The following MACF1 variants were observed in gnomAD, a reference collection of about 807,000 sequenced individuals.
MACF1 encodes microtubule actin crosslinking factor 1, also known as microtubule-actin cross-linking factor 1.
Under a neutral mutation model 854.8 loss-of-function variants are expected in MACF1, and 193 were observed. That is an observed-to-expected ratio of 0.23 (90% CI 0.20 to 0.25). The LOEUF (loss-of-function observed/expected upper bound fraction) is 0.25, where lower values mean the gene tolerates loss of function less well. MACF1 is among the 10% of genes least tolerant of loss of function. The probability of loss-of-function intolerance (pLI) is 1.00; values close to 1 mark genes in which losing one functional copy is unlikely to be tolerated. For missense variants in MACF1, 7,722 were observed against 8,929.1 expected, an observed-to-expected ratio of 0.86 and a Z score of 5.45; for synonymous variants, 3,185 against 3,226.7, an observed-to-expected ratio of 0.99 and a Z score of 0.44.
At chr1:39,426,788 G>C (rs1314477729) in intron 61 of MACF1, among the ~76,000 whole-genome samples, 1 of 151,736 alleles carries the variant, frequency 6.6e-6, no homozygotes, top group African/African-American at 2.4e-5. Context: ...TGGGGGGGGT[G>C]CTTTTTGTGT....
At chr1:39,276,066 A>T (rs969825293) in intron 6 of MACF1, among the ~76,000 whole-genome samples, 6 of 151,974 alleles carry the variant, frequency 3.9e-5, no homozygotes, top group Admixed American at 1.3e-4. Flanking sequence ...ACTACAGGGG[A>T]GTACCACCAC....
chr1:39,198,691 G>T lies in MACF1; in HGVS notation c.221-32491G>T, dbSNP rs113051830. On this transcript the variant is annotated intron_variant, in intron 2 of 93. Coordinates refer to the MACF1 transcript ENST00000361689. ...AAAAAAAAAATTAGCTGGGCGTGGT[G>T]GCACACACCTGTAGTCACAGCTACT... Among the ~76,000 whole-genome samples the T allele has an allele frequency of 5.0e-3, 756 of 151,654 alleles. 6 individuals carry two copies. The highest frequency in any genetic ancestry group is 0.017 in the African/African-American group (696 of 41,342).
At position 39,327,330 on chromosome 1, in the gene MACF1, T is replaced by G; in HGVS notation, c.4591T>G (p.Leu1531Val). ...TCAGCTTCAGCAGCTTCAGAGCCAG[T>G]TGGCTCACCAGACAGAACAAAAGGT... The part of the protein sequence containing the change: ...ANQLQQLQSQ[L>V]AHQTEQKECR... The change falls in exon 36 of 101, where the codon TTG becomes GTG. Residue 1531 changes from leucine to valine, a missense_variant. Coordinates refer to ENST00000564288, the MANE Select transcript of MACF1 (RefSeq NM_001394062.1). 6.2e-7 allele frequency: 1 copy of G among 1,605,516 alleles called. No homozygotes were observed. The highest frequency in any genetic ancestry group is 8.5e-7 in the Non-Finnish European group (1 of 1,173,148).
intron 2 of MACF1, among the ~76,000 whole-genome samples, chr1:39,113,958 C>G (rs1249952626): frequency 6.6e-6 from 1 of 152,028 alleles, no homozygotes; most frequent in East Asian, 1.9e-4. Context: ...ATCGCTTGAA[C>G]CCAGGAGGTG....
rs1439173065 is a variant in MACF1, at chr1:39,429,339, G to A, written c.16888+13G>A. ...AAACAAACCACAGGTACTTTGAAAA[G>A]TGTGTCTCTTAGCACCCCTATGGTC... is the stretch of plus-strand genomic sequence containing the variant. On this transcript the variant is annotated intron_variant, in intron 64 of 100. Coordinates refer to ENST00000564288, the MANE Select transcript of MACF1 (RefSeq NM_001394062.1). 17 of 1,487,386 alleles carry A rather than the reference G, an allele frequency of 1.1e-5. No individual in the cohort carries two copies. Among genetic ancestry groups the A allele is most frequent in the Non-Finnish European group, 1.6e-5 (17 of 1,066,260 alleles). 92.1% of individuals were successfully genotyped at this position (1,487,386 alleles called of 1,614,324 possible). A position where few individuals can be genotyped will look rare whatever the true frequency, so the allele number is the denominator to read the frequency against.
chr1:39,440,111 C>CTTTTCTTTTTTTTT (rs1553414036), intron 72 of MACF1, among the ~76,000 whole-genome samples: 20 of 64,516 alleles, frequency 3.1e-4, no homozygotes, highest in African/African-American at 1.1e-3. Flanking sequence ...CTTTTCTTTT[C>CTTTTCTTTTTTTTT]TTTTTTTTTT....
intron 2 of MACF1, among the ~76,000 whole-genome samples, chr1:39,180,956 G>A (rs895036176): frequency 2.0e-5 from 3 of 152,024 alleles, no homozygotes; most frequent in Non-Finnish European, 4.4e-5. Context: ...GCCCAGGCTC[G>A]ACTACAGTAG....
rs1648139345 is a variant in MACF1 at position 39,361,007 on chromosome 1, A to G, written c.12453+6A>G. On this transcript the variant is annotated splice_donor_region_variant and intron_variant, in intron 48 of 100. Transcript: ENST00000564288. ...AAGCCTTAGCCACAAATATGGTAAG[A>G]TCTGTGTCCCAAGAGCTAGCATAGA... 1 of 1,612,274 alleles carries G rather than the reference A, an allele frequency of 6.2e-7. No individual in the cohort carries two copies. The highest frequency in any genetic ancestry group is 1.3e-5 in the African/African-American group (1 of 74,900).
intron 2 of MACF1, among the ~76,000 whole-genome samples, chr1:39,187,954 TTC>T (rs1644198460): frequency 8.8e-6 from 1 of 113,098 alleles, no homozygotes; most frequent in Non-Finnish European, 1.8e-5. Context: ...TTCCCTTCCC[TTC>T]CCTCCCCTCC....
intron 53 of MACF1, 52 bp downstream of exon 53, chr1:39,378,575 T>G: frequency 6.6e-7 from 1 of 1,518,136 alleles, no homozygotes. Flanking sequence ...TAGGACAGTG[T>G]CTATGTTTGC....
chr1:39,387,812 C>T lies in MACF1; in HGVS notation c.14970C>T (p.Asn4990=), dbSNP rs377757339. ...IRDEKAGINQ[N]MDAVTEELQA... ...ATGAGAAGGCTGGGATCAACCAGAA[C>T]ATGGATGCTGTTACAGAAGAGCTGC... The change falls in exon 58 of 101, where the codon AAC becomes AAT. Residue 4990 remains asparagine, a synonymous_variant. Coordinates refer to ENST00000564288, the MANE Select transcript of MACF1 (RefSeq NM_001394062.1). The T allele has an allele frequency of 5.6e-6, 9 of 1,614,012 alleles. No individual in the cohort carries two copies. The highest frequency in any genetic ancestry group is 1.7e-5 in the Admixed American group (1 of 59,982).
At chr1:39,462,432 T>C (rs1644572604) in intron 93 of MACF1, among the ~76,000 whole-genome samples, 1 of 152,026 alleles carries the variant, frequency 6.6e-6, no homozygotes, top group African/African-American at 2.4e-5. Context: ...GGACTGGGCA[T>C]GGTGGCTTAC....
chr1:39,286,349 G>A (rs1458012551), intron 14 of MACF1, among the ~76,000 whole-genome samples: 2 of 151,940 alleles, frequency 1.3e-5, no homozygotes, highest in South Asian at 4.1e-4. Context: ...TGCAGGGTTG[G>A]GACACAACAC....
chr1:39,166,416 ATATTTATTTATT>A (rs56404463), intron 2 of MACF1, among the ~76,000 whole-genome samples: 135,404 of 149,146 alleles, frequency 0.91, 61,555 homozygotes, highest in Admixed American at 0.93. Flanking sequence ...CCAGCACTAG[ATATTTATTTATT>A]TATTTATTTA....
chr1:39,143,945 G>C (rs1040984665), intron 2 of MACF1, among the ~76,000 whole-genome samples: 4 of 150,014 alleles, frequency 2.7e-5, no homozygotes, highest in African/African-American at 1.0e-4. Context: ...CAGCCACCAT[G>C]CCTAGCTAAT....
chr1:39,165,938 A>T lies in MACF1; in HGVS notation c.221-65244A>T, dbSNP rs1045521605. Among the ~76,000 whole-genome samples, 48 of 152,134 alleles carry T rather than the reference A, an allele frequency of 3.2e-4. 1 individual carries two copies. The highest frequency in any genetic ancestry group is 2.8e-3 in the Admixed American group (43 of 15,256). On this transcript the variant is annotated intron_variant, in intron 2 of 93. Coordinates refer to the MACF1 transcript ENST00000361689. Reference sequence around the variant, plus strand: ...ATGTTCCATGTTTCCTGTTGCATTTACTGGAAGTCTCCATCTCCTTCCTTC... The same window carrying T: ...ATGTTCCATGTTTCCTGTTGCATTTTCTGGAAGTCTCCATCTCCTTCCTTC...
chr1:39,164,566 T>C (rs879933501), intron 2 of MACF1, among the ~76,000 whole-genome samples: 2 of 152,214 alleles, frequency 1.3e-5, no homozygotes, highest in African/African-American at 4.8e-5. Flanking sequence ...TCACAGCAAC[T>C]CTAGGCATTT....
rs1392091355 is a variant in MACF1 at position 39,393,195 on chromosome 1, AAAT to A, written c.15816+4539_15816+4541del. 3.2e-3 allele frequency among the ~76,000 whole-genome samples: 307 copies of A among 95,588 alleles called. 1 individual carries two copies. Among genetic ancestry groups the A allele is most frequent in the African/African-American group, 0.012 (265 of 22,052 alleles). 62.7% of individuals were successfully genotyped at this position (95,588 alleles called of 152,430 possible). A position where few individuals can be genotyped will look rare whatever the true frequency, so the allele number is the denominator to read the frequency against. ...CCTGGGAAGGGTAAAAAAAAAAAAA[AAAT>A]ATATATATATATATATATATATATA... On this transcript the variant is annotated intron_variant, in intron 58 of 100. Transcript: ENST00000564288.
upstream of MACF1, among the ~76,000 whole-genome samples, chr1:39,202,559 C>G (rs1043039846): frequency 2.5e-4 from 38 of 151,492 alleles, no homozygotes; most frequent in Non-Finnish European, 4.4e-5. Flanking sequence ...CGCTTGAAGC[C>G]GGGAGGCACA....
Sources: gnomAD v4.1 joint callset for allele counts (sites outside exome capture counted in the v4.1 genomes callset) on GRCh38, gnomAD v4.1.1 for gene constraint, MANE v1.5 for transcripts, NCBI Gene and HGNC (gene_info 2026-07-23, HGNC 2026-07-21) for gene names.